PAX2: variants seen among roughly 807,000 people sequenced by gnomAD.
PAX2 encodes paired box protein Pax-2.
Under a neutral mutation model 41.7 loss-of-function variants are expected in PAX2, and 9 were observed. That is an observed-to-expected ratio of 0.22 (90% CI 0.13 to 0.38). The LOEUF is 0.38. Ranked by LOEUF, PAX2 falls within the 10% of genes least tolerant of loss-of-function variation. The pLI is 1.00. For synonymous variants in PAX2, 221 were observed against 212.7 expected, an observed-to-expected ratio of 1.04 and a Z score of -0.34; for missense variants, 418 against 531.6, an observed-to-expected ratio of 0.79 and a Z score of 2.10.
chr10:100,813,623 G>C (rs1365665167), intron 7 of PAX2, among the ~76,000 whole-genome samples: 1 of 152,166 alleles, frequency 6.6e-6, no homozygotes, highest in African/African-American at 2.4e-5. Context: ...ACACTCGTCT[G>C]AGTAGCCCAG....
chr10:100,746,072 G>T lies in PAX2; in HGVS notation c.-189G>T, dbSNP rs1589805798. Reference sequence around the variant, plus strand: ...GCGGCTACTGCAGTTGCAAGCTCCGGCCAACCCGGAGGAGCCCCAGCGGGG... The same window carrying T: ...GCGGCTACTGCAGTTGCAAGCTCCGTCCAACCCGGAGGAGCCCCAGCGGGG... On this transcript the variant is annotated 5_prime_UTR_variant, in exon 1 of 10. Coordinates refer to ENST00000355243, the MANE Select transcript of PAX2 (RefSeq NM_000278.5). The T allele has an allele frequency of 1.3e-6, 2 of 1,487,932 alleles. No individual in the cohort carries two copies. The highest frequency in any genetic ancestry group is 1.8e-6 in the Non-Finnish European group (2 of 1,128,524). 92.2% of individuals were successfully genotyped at this position (1,487,932 alleles called of 1,614,324 possible). A position where few individuals can be genotyped will look rare whatever the true frequency, so the allele number is the denominator to read the frequency against.
At chr10:100,801,920 C>A (rs189083204) in intron 5 of PAX2, among the ~76,000 whole-genome samples, 3 of 152,356 alleles carry the variant, frequency 2.0e-5, no homozygotes, top group Admixed American at 2.0e-4. Context: ...TTTGCTTCAG[C>A]TTCCTTATCT....
At chr10:100,742,567 C>T (rs1564701520), upstream of PAX2, among the ~76,000 whole-genome samples, 1 of 152,150 alleles carries the variant, frequency 6.6e-6, no homozygotes, top group African/African-American at 2.4e-5. Context: ...TGCACAGAGG[C>T]GGCTAATGAA....
intron 3 of PAX2, among the ~76,000 whole-genome samples, chr10:100,772,433 C>T (rs1232049607): frequency 6.6e-6 from 1 of 152,236 alleles, no homozygotes; most frequent in Non-Finnish European, 1.5e-5. Context: ...GGATTATAGG[C>T]ATAAGCCACC....
intron 7 of PAX2, among the ~76,000 whole-genome samples, chr10:100,810,111 G>A (rs1847940313): frequency 6.6e-6 from 1 of 152,208 alleles, no homozygotes; most frequent in African/African-American, 2.4e-5. Flanking sequence ...ATTGAGAAGG[G>A]TCTCGGTGGG....
intron 3 of PAX2, among the ~76,000 whole-genome samples, chr10:100,751,912 G>T (rs1195713462): frequency 6.6e-6 from 1 of 152,210 alleles, no homozygotes; most frequent in East Asian, 1.9e-4. Context: ...AGAGGGCTAA[G>T]CAGTTCATAC....
intron 3 of PAX2, among the ~76,000 whole-genome samples, chr10:100,769,053 G>A (rs148027180): frequency 7.2e-5 from 11 of 152,240 alleles, no homozygotes; most frequent in Non-Finnish European, 1.3e-4. Flanking sequence ...TTCTACCATC[G>A]GTTCTTGATA....
intron 5 of PAX2, among the ~76,000 whole-genome samples, chr10:100,805,018 TCACATACACACA>T (rs1380929740): frequency 1.2e-4 from 4 of 32,880 alleles, no homozygotes; most frequent in South Asian, 1.8e-3. Context: ...TCTCTCTCTC[TCACATACACACA>T]CACACACACA....
At chr10:100,735,744 C>G in intron 1 of PAX2, 1 of 1,040,552 alleles carries the variant, frequency 9.6e-7, no homozygotes. Flanking sequence ...GTAAGAGCGG[C>G]AGAGACCCGT....
chr10:100,798,017 T>G (rs1343072594), intron 5 of PAX2, among the ~76,000 whole-genome samples: 1 of 151,812 alleles, frequency 6.6e-6, no homozygotes, highest in Non-Finnish European at 1.5e-5. Context: ...GCAGGTAGTT[T>G]CCCAGGGCTA....
chr10:100,791,721 G>A lies in PAX2; in HGVS notation c.616+10356G>A, dbSNP rs1847127433. 6.6e-6 allele frequency among the ~76,000 whole-genome samples: 1 copy of A among 152,162 alleles called. No individual in the cohort carries two copies. The highest frequency in any genetic ancestry group is 1.5e-5 in the Non-Finnish European group (1 of 68,020). ...CTGGGAAGCCTGGGATGGAGGGATG[G>A]GGACAGTAGGTTTGGTAGGAGTGAC... On this transcript the variant is annotated intron_variant, in intron 5 of 9. Coordinates refer to ENST00000355243, the MANE Select transcript of PAX2 (RefSeq NM_000278.5). This position sits in a 1 kb window ranked among gnomAD's most constrained non-coding sequence, Gnocchi z 4.5.
chr10:100,823,025 T>C (rs1848421635), intron 7 of PAX2, among the ~76,000 whole-genome samples: 1 of 151,964 alleles, frequency 6.6e-6, no homozygotes, highest in Admixed American at 6.6e-5. Context: ...CAAGCAAAAA[T>C]ATTCTGTGGC....
intron 1 of PAX2, among the ~76,000 whole-genome samples, chr10:100,739,191 G>A (rs1042750391): frequency 1.5e-4 from 23 of 152,214 alleles, no homozygotes; most frequent in African/African-American, 5.5e-4. Flanking sequence ...AACCCAGGCG[G>A]GTCCCACGAC....
intron 7 of PAX2, among the ~76,000 whole-genome samples, chr10:100,819,085 A>G (rs1848286893): frequency 6.6e-6 from 1 of 151,810 alleles, no homozygotes; most frequent in Admixed American, 6.6e-5. Flanking sequence ...TGTCTCTACT[A>G]AAAAATACAA....
In PAX2 at chr10:100,818,481, G is replaced by A. The variant is rs903928942; in HGVS notation, c.920-6167G>A. ...AAATCAGTGTCTTATGCCAAAGAACGGGGCTCTTTCACTTTTTTATAAACA... is the reference window on the plus strand; with the variant it reads ...AAATCAGTGTCTTATGCCAAAGAACAGGGCTCTTTCACTTTTTTATAAACA... On this transcript the variant is annotated intron_variant, in intron 7 of 9. Transcript: ENST00000355243. Among the ~76,000 whole-genome samples the A allele has an allele frequency of 3.3e-5, 5 of 152,120 alleles. No individual in the cohort carries two copies. The South Asian group carries it at 6.2e-4, about 19-fold the overall frequency.
In PAX2 at chr10:100,809,156, T is replaced by C. The variant is rs1211174570; in HGVS notation, c.839T>C (p.Val280Ala). The change falls in exon 7 of 10, where the codon GTC (valine) becomes GCC (alanine). Residue 280 changes from valine to alanine, a missense_variant. This residue lies in a region of PAX2 where 310 missense variants were observed against 325.2 expected (regional missense o/e 0.95). Transcript: ENST00000355243. The stretch of plus-strand genomic sequence containing the variant: ...GCCCTGACCCCTGGGCTTGATGAAG[T>C]CAAGTCGAGTCTATCTGCATCCACC... Reference protein sequence around the residue: ...LPALTPGLDEVKSSLSASTNP... With the variant: ...LPALTPGLDEAKSSLSASTNP... The C allele has an allele frequency of 2.5e-6, 4 of 1,612,910 alleles. No homozygotes were observed. Among genetic ancestry groups the C allele is most frequent in the Non-Finnish European group, 3.4e-6 (4 of 1,179,134 alleles).
chr10:100,752,763 C>T (rs1159169942), intron 3 of PAX2, among the ~76,000 whole-genome samples: 1 of 152,176 alleles, frequency 6.6e-6, no homozygotes, highest in Non-Finnish European at 1.5e-5. Flanking sequence ...TCCAACACCC[C>T]CTGCCCCTCC....
exon 1 of PAX2, among the ~76,000 whole-genome samples, chr10:100,735,401 G>C (rs1682103897): frequency 6.6e-6 from 1 of 152,244 alleles, no homozygotes. Context: ...GCCTCAGGCA[G>C]CGAGGGTGGC....
chr10:100,813,499 A>G (rs999515574), intron 7 of PAX2, among the ~76,000 whole-genome samples: 2 of 152,178 alleles, frequency 1.3e-5, no homozygotes, highest in African/African-American at 4.8e-5. Flanking sequence ...ATGGGGTTGT[A>G]ACACACCAGT....
Sources: gnomAD v4.1 joint callset for allele counts (sites outside exome capture counted in the v4.1 genomes callset) on GRCh38, gnomAD v4.1.1 for gene constraint, gnomAD v4.1.1 regional missense constraint, Gnocchi (gnomAD v3.1) non-coding constraint, MANE v1.5 for transcripts, NCBI Gene and HGNC (gene_info 2026-07-23, HGNC 2026-07-21) for gene names.